VTI1A: variants seen among roughly 807,000 people sequenced by gnomAD.
VTI1A encodes the protein vesicle transport through interaction with t-SNAREs homolog 1A.
Under a neutral mutation model 34.9 loss-of-function variants are expected in VTI1A, and 22 were observed. The observed-to-expected ratio is 0.63, with a 90% CI of 0.45 to 0.90. The LOEUF (loss-of-function observed/expected upper bound fraction) is 0.90, where lower values mean the gene tolerates loss of function less well. Ranked by LOEUF, VTI1A falls within the 40% of genes least tolerant of loss-of-function variation. The probability of loss-of-function intolerance (pLI) is 0.00; values close to 1 mark genes in which losing one functional copy is unlikely to be tolerated. For missense variants in VTI1A, 268 were observed against 275.6 expected, an observed-to-expected ratio of 0.97 and a Z score of 0.20; for synonymous variants, 87 against 97.3, an observed-to-expected ratio of 0.89 and a Z score of 0.62.
At chr10:112,744,481 G>GA in intron 7 of VTI1A, among the ~76,000 whole-genome samples, 1 of 100,992 alleles carries the variant, frequency 9.9e-6, no homozygotes, top group African/African-American at 8.1e-5. Context: ...TTTTTTTTGA[G>GA]ACAGAGTCTG....
intron 7 of VTI1A, among the ~76,000 whole-genome samples, chr10:112,808,612 G>A (rs181817260): frequency 2.8e-5 from 4 of 143,116 alleles, no homozygotes; most frequent in East Asian, 2.1e-4. Flanking sequence ...GCGACAAAGC[G>A]AGACTCCATC....
intron 7 of VTI1A, among the ~76,000 whole-genome samples, chr10:112,740,411 T>C (rs2133975364): frequency 6.6e-6 from 1 of 152,286 alleles, no homozygotes; most frequent in African/African-American, 2.4e-5. Context: ...TGCCTCAGCC[T>C]CCTGAGTAGC....
chr10:112,457,018 G>A (rs1164198163), intron 1 of VTI1A, among the ~76,000 whole-genome samples: 6 of 152,066 alleles, frequency 3.9e-5, no homozygotes, highest in East Asian at 1.9e-4. Context: ...CACTTCTGTC[G>A]CATTCAGCCA....
chr10:112,458,797 G>A (rs1847633297), intron 1 of VTI1A, among the ~76,000 whole-genome samples: 1 of 151,802 alleles, frequency 6.6e-6, no homozygotes, highest in Admixed American at 6.6e-5. Context: ...CTCCCAAGTA[G>A]TTGGGATTAC....
chr10:112,855,309 T>C, the VTI1A span, among the ~76,000 whole-genome samples: 2 of 152,166 alleles, frequency 1.3e-5, no homozygotes, highest in South Asian at 4.1e-4. Context: ...ACCTGGCTTC[T>C]TCCCGCCAGT....
At chr10:112,748,381 C>T (rs1416178286) in intron 7 of VTI1A, among the ~76,000 whole-genome samples, 2 of 152,074 alleles carry the variant, frequency 1.3e-5, no homozygotes, top group Non-Finnish European at 2.9e-5. Flanking sequence ...TTTAAATTAA[C>T]TCTATTTTAT....
At chr10:112,719,420 TG>T (rs1466634953) in intron 7 of VTI1A, among the ~76,000 whole-genome samples, 3 of 152,244 alleles carry the variant, frequency 2.0e-5, no homozygotes, top group Admixed American at 6.5e-5. Context: ...GTGCTTCTAT[TG>T]TTTTTTTAAC....
chr10:112,737,140 G>T, intron 7 of VTI1A: 1 of 267,436 alleles, frequency 3.7e-6, no homozygotes, highest in Non-Finnish European at 6.8e-6. Flanking sequence ...GCACAATCTT[G>T]GCTCACTGCA....
intron 3 of VTI1A, among the ~76,000 whole-genome samples, chr10:112,525,076 C>CA (rs1850171127): frequency 1.3e-5 from 2 of 152,054 alleles, no homozygotes; most frequent in South Asian, 4.1e-4. Context: ...TCAGTAAATA[C>CA]AATAAGAGAA....
chr10:112,711,847 A>T (rs1849427416), intron 7 of VTI1A, among the ~76,000 whole-genome samples: 1 of 152,148 alleles, frequency 6.6e-6, no homozygotes, highest in African/African-American at 2.4e-5. Flanking sequence ...CCATCATCTC[A>T]GTCTTTCCTA....
chr10:112,739,496 C>T (rs1850616236), intron 7 of VTI1A, among the ~76,000 whole-genome samples: 1 of 152,216 alleles, frequency 6.6e-6, no homozygotes, highest in Non-Finnish European at 1.5e-5. Context: ...AGCTATGGTG[C>T]TCTTCCATGT....
intron 7 of VTI1A, among the ~76,000 whole-genome samples, chr10:112,802,363 G>A (rs151156129): frequency 1.7e-3 from 266 of 152,306 alleles, no homozygotes; most frequent in African/African-American, 6.1e-3. Context: ...TAAGACACAC[G>A]ATTATATAAA....
the VTI1A span, among the ~76,000 whole-genome samples, chr10:112,835,142 G>A: frequency 6.6e-6 from 1 of 152,068 alleles, no homozygotes; most frequent in Non-Finnish European, 1.5e-5. Flanking sequence ...GGATCTCCCA[G>A]GACAAAAGAG....
At chr10:112,566,872 G>C (rs948374028) in intron 5 of VTI1A, among the ~76,000 whole-genome samples, 1 of 151,978 alleles carries the variant, frequency 6.6e-6, no homozygotes, top group Non-Finnish European at 1.5e-5. Flanking sequence ...GTGGGGCATG[G>C]GGGTCTTTCC....
chr10:112,505,082 A>C (rs1849381063), intron 3 of VTI1A, among the ~76,000 whole-genome samples: 2 of 152,084 alleles, frequency 1.3e-5, no homozygotes, highest in African/African-American at 4.8e-5. Context: ...TTGTTTAGTC[A>C]AACACTAAAT....
At chr10:112,454,405 G>C (rs1847352524) in intron 1 of VTI1A, among the ~76,000 whole-genome samples, 1 of 152,002 alleles carries the variant, frequency 6.6e-6, no homozygotes, top group Non-Finnish European at 1.5e-5. Context: ...GATCAGCCTG[G>C]GCAACATAGT....
intron 5 of VTI1A, among the ~76,000 whole-genome samples, chr10:112,642,829 C>G (rs1447181154): frequency 6.6e-6 from 1 of 151,978 alleles, no homozygotes; most frequent in Non-Finnish European, 1.5e-5. Flanking sequence ...AATAGTGGTA[C>G]AGATAATGAA....
intron 5 of VTI1A, among the ~76,000 whole-genome samples, chr10:112,646,957 G>A (rs921388595): frequency 1.3e-5 from 2 of 152,116 alleles, no homozygotes; most frequent in Non-Finnish European, 2.9e-5. Flanking sequence ...TTGGGACCAT[G>A]TTTTATTTTT....
chr10:112,800,278 G>A (rs1427204074), intron 7 of VTI1A, among the ~76,000 whole-genome samples: 1 of 152,208 alleles, frequency 6.6e-6, no homozygotes, highest in Non-Finnish European at 1.5e-5. Context: ...GGGATTCCAG[G>A]CGAGTAGCTC....
Sources: allele counts gnomAD v4.1 joint callset (sites outside exome capture counted in the v4.1 genomes callset), GRCh38; gene constraint gnomAD v4.1.1; transcripts MANE v1.5; gene names NCBI Gene and HGNC (gene_info 2026-07-23, HGNC 2026-07-21).